SMYD3: variants seen among roughly 807,000 people sequenced by gnomAD.
The protein encoded by SMYD3 is histone-lysine N-methyltransferase SMYD3.
A neutral mutation model predicts 57.7 loss-of-function variants in SMYD3; 36 were observed. The ratio of observed to expected loss-of-function variants is 0.62; its 90% CI spans 0.48 to 0.82. The LOEUF is 0.82. Among genes scored for constraint, SMYD3 ranks in the 40% least tolerant of loss-of-function variants. The probability of loss-of-function intolerance (pLI) is 0.00; values close to 1 mark genes in which losing one functional copy is unlikely to be tolerated. For missense variants in SMYD3, 515 were observed against 538.8 expected (o/e 0.96, Z 0.44); for synonymous variants, 211 against 195.0 (o/e 1.08, Z -0.68).
intron 5 of SMYD3, among the ~76,000 whole-genome samples, chr1:246,169,401 A>AAAC (rs2062285509): frequency 1.3e-5 from 2 of 151,358 alleles, no homozygotes; most frequent in African/African-American, 4.8e-5. Context: ...AAAAAAAAAA[A>AAAC]AAACCTCTAA....
intron 1 of SMYD3, among the ~76,000 whole-genome samples, chr1:246,475,017 A>T (rs984911454): frequency 6.6e-6 from 1 of 152,118 alleles, no homozygotes; most frequent in Non-Finnish European, 1.5e-5. Context: ...TTTGTGGCGC[A>T]TTAAAAAGTT....
intron 5 of SMYD3, among the ~76,000 whole-genome samples, chr1:246,033,783 C>A (rs1381979995): frequency 6.6e-6 from 1 of 151,794 alleles, no homozygotes; most frequent in African/African-American, 2.4e-5. Context: ...TGAGACTCTG[C>A]CTCAAAAAAA....
At chr1:245,930,004 A>G (rs2056616121) in intron 5 of SMYD3, 67 bp from the exon 6 acceptor site, 4 of 1,431,642 alleles carry the variant, frequency 2.8e-6, no homozygotes, top group African/African-American at 1.4e-5. Flanking sequence ...CCAAGAGAAT[A>G]AAAAACGTTC....
chr1:246,312,080 T>C (rs1486772600), intron 5 of SMYD3, among the ~76,000 whole-genome samples: 1 of 152,116 alleles, frequency 6.6e-6, no homozygotes, highest in Non-Finnish European at 1.5e-5. Flanking sequence ...CGCAATCTAC[T>C]TGTCACTACA....
intron 8 of SMYD3, among the ~76,000 whole-genome samples, chr1:245,907,585 G>C (rs1053739523): frequency 6.6e-6 from 1 of 152,112 alleles, no homozygotes; most frequent in Non-Finnish European, 1.5e-5. Context: ...GGAATCAAAT[G>C]TTATCACTAC....
At chr1:246,042,017 A>G (rs1251739688) in intron 5 of SMYD3, among the ~76,000 whole-genome samples, 1 of 152,194 alleles carries the variant, frequency 6.6e-6, no homozygotes, top group East Asian at 1.9e-4. Flanking sequence ...GGATTCAAAA[A>G]GATTAAGCAA....
chr1:246,239,707 A>G (rs1394840660), intron 5 of SMYD3, among the ~76,000 whole-genome samples: 1 of 152,180 alleles, frequency 6.6e-6, no homozygotes, highest in Non-Finnish European at 1.5e-5. Flanking sequence ...AGTCCCACCA[A>G]CAGTGTAAAA....
intron 5 of SMYD3, among the ~76,000 whole-genome samples, chr1:246,095,084 T>C (rs1302028197): frequency 1.3e-5 from 2 of 152,178 alleles, no homozygotes; most frequent in Non-Finnish European, 2.9e-5. Flanking sequence ...GCTCCTCTTC[T>C]GGGCTTCCAA....
intron 1 of SMYD3, among the ~76,000 whole-genome samples, chr1:246,385,753 T>A (rs2066466705): frequency 1.3e-5 from 2 of 152,022 alleles, no homozygotes; most frequent in Non-Finnish European, 2.9e-5. Flanking sequence ...ATCACTTTTT[T>A]AAAACAAACA....
At chr1:245,995,277 C>G (rs531273318) in intron 5 of SMYD3, among the ~76,000 whole-genome samples, 1 of 152,174 alleles carries the variant, frequency 6.6e-6, no homozygotes, top group Non-Finnish European at 1.5e-5. Flanking sequence ...CTGTGCTACA[C>G]GGAAGTCATG....
chr1:246,430,709 A>G (rs2067284901), intron 1 of SMYD3, among the ~76,000 whole-genome samples: 1 of 152,200 alleles, frequency 6.6e-6, no homozygotes, highest in African/African-American at 2.4e-5. Context: ...AAGAGTTTTT[A>G]TCTGGGGGTC....
chr1:246,338,276 T>C (rs6661964), intron 2 of SMYD3, among the ~76,000 whole-genome samples: 130,712 of 152,242 alleles, frequency 0.86, 56,432 homozygotes, highest in African/African-American at 0.92. Flanking sequence ...AAGCATACCA[T>C]AGAAAAGGCT....
intron 10 of SMYD3, among the ~76,000 whole-genome samples, chr1:245,804,105 G>C (rs1230095044): frequency 6.6e-6 from 1 of 151,844 alleles, no homozygotes; most frequent in Non-Finnish European, 1.5e-5. Context: ...TAGAGACAGG[G>C]TTTCAACATA....
intron 11 of SMYD3, among the ~76,000 whole-genome samples, chr1:245,752,747 T>G (rs1183966024): frequency 6.6e-6 from 1 of 151,920 alleles, no homozygotes; most frequent in East Asian, 1.9e-4. Flanking sequence ...GAAGGGGGAG[T>G]TTCCTGGCCT....
At chr1:246,219,877 G>T (rs112978091) in intron 5 of SMYD3, among the ~76,000 whole-genome samples, 4,798 of 152,164 alleles carry the variant, frequency 0.032, 122 homozygotes, top group Non-Finnish European at 0.048. Flanking sequence ...ACTGAGTGGG[G>T]TTCACTGCTG....
chr1:246,075,998 T>C (rs2060540255), intron 5 of SMYD3, among the ~76,000 whole-genome samples: 1 of 140,946 alleles, frequency 7.1e-6, no homozygotes, highest in Non-Finnish European at 1.5e-5. Context: ...CGAAAGATAA[T>C]ATACAATAAA....
At chr1:246,383,643 T>C (rs984255885) in intron 1 of SMYD3, among the ~76,000 whole-genome samples, 2 of 152,244 alleles carry the variant, frequency 1.3e-5, no homozygotes, top group African/African-American at 4.8e-5. Flanking sequence ...AAAGCTGTTA[T>C]GATGCTTTTT....
At chr1:246,318,357 A>C (rs1458854884) in intron 5 of SMYD3, among the ~76,000 whole-genome samples, 1 of 152,216 alleles carries the variant, frequency 6.6e-6, no homozygotes, top group African/African-American at 2.4e-5. Flanking sequence ...TGGGTGACAG[A>C]GCAAGATCCT....
At chr1:246,139,802 T>G (rs1467460602) in intron 5 of SMYD3, among the ~76,000 whole-genome samples, 1 of 152,196 alleles carries the variant, frequency 6.6e-6, no homozygotes, top group Non-Finnish European at 1.5e-5. Flanking sequence ...TTCATCACAC[T>G]CTGAGAAGAC....
Sources: allele counts gnomAD v4.1 joint callset (sites outside exome capture counted in the v4.1 genomes callset), GRCh38; gene constraint gnomAD v4.1.1; transcripts MANE v1.5; gene names NCBI Gene and HGNC (gene_info 2026-07-23, HGNC 2026-07-21).